The following GRHL2 variants were observed in gnomAD, a reference collection of about 807,000 sequenced individuals.
GRHL2 encodes grainyhead-like protein 2 homolog.
GRHL2 carries 21 observed loss-of-function variants against 83.8 expected under a neutral mutation model. The observed-to-expected ratio is 0.25, with a 90% CI of 0.18 to 0.36. The LOEUF (loss-of-function observed/expected upper bound fraction) is 0.36. Ranked by LOEUF, GRHL2 falls within the 10% of genes least tolerant of loss-of-function variation. GRHL2 has a pLI of 1.00. For missense variants in GRHL2, 623 were observed against 781.8 expected (o/e 0.80, Z 2.42); for synonymous variants, 280 against 278.9 (o/e 1.00, Z -0.04).
intron 1 of GRHL2, among the ~76,000 whole-genome samples, chr8:101,496,977 C>T (rs1459068408): frequency 6.6e-6 from 1 of 152,150 alleles, no homozygotes; most frequent in Non-Finnish European, 1.5e-5. Context: ...GACAGTTGCA[C>T]ACTCAAAACA....
intron 1 of GRHL2, among the ~76,000 whole-genome samples, chr8:101,537,895 C>T (rs2130104479): frequency 6.6e-6 from 1 of 152,162 alleles, no homozygotes; most frequent in Admixed American, 6.5e-5. Context: ...CTAATTTTTT[C>T]CTTTGTTATT....
chr8:101,516,410 C>CTTTTT (rs33990862), intron 1 of GRHL2, among the ~76,000 whole-genome samples: 3 of 86,012 alleles, frequency 3.5e-5, no homozygotes, highest in African/African-American at 9.0e-5. Context: ...ACCTCTTTTC[C>CTTTTT]TTTTTTTTTT....
intron 1 of GRHL2, among the ~76,000 whole-genome samples, chr8:101,524,442 G>A (rs1810760642): frequency 1.3e-5 from 2 of 150,578 alleles, no homozygotes; most frequent in Non-Finnish European, 1.5e-5. Context: ...TAACTTTTTA[G>A]CCTTTGTTCC....
At chr8:101,545,761 GA>G (rs1040007567) in intron 2 of GRHL2, among the ~76,000 whole-genome samples, 4 of 148,428 alleles carry the variant, frequency 2.7e-5, no homozygotes, top group African/African-American at 9.9e-5. Context: ...CTTCTATGAT[GA>G]AAAAATAGTC....
intron 1 of GRHL2, among the ~76,000 whole-genome samples, chr8:101,496,330 CATTTTA>C (rs951461352): frequency 2.6e-5 from 4 of 152,102 alleles, no homozygotes; most frequent in African/African-American, 9.7e-5. Flanking sequence ...GATGACTCTA[CATTTTA>C]ATTAAACTCT....
At chr8:101,654,036 C>T (rs1430130264) in intron 14 of GRHL2, among the ~76,000 whole-genome samples, 7 of 152,170 alleles carry the variant, frequency 4.6e-5, no homozygotes, top group Non-Finnish European at 1.5e-5. Flanking sequence ...CAAGACGTGG[C>T]CCTACAGACT....
In GRHL2 at chr8:101,667,394, T is replaced by A; in HGVS notation, c.*691T>A. On this transcript the variant is annotated 3_prime_UTR_variant, in exon 16 of 16. Transcript: ENST00000646743. ...TTTTACCTGTGGTATGTGGGCATGT[T>A]TACTGCCACTGGCCTAGAGGAGACA... The A allele has an allele frequency of 1.3e-5, 2 of 154,072 alleles. 1 individual carries two copies. The highest frequency in any genetic ancestry group is 2.9e-5 in the Non-Finnish European group (2 of 69,020). 9.5% of individuals were successfully genotyped at this position (154,072 alleles called of 1,614,324 possible).
chr8:101,495,215 C>T (rs1399803966), intron 1 of GRHL2, among the ~76,000 whole-genome samples: 2 of 152,320 alleles, frequency 1.3e-5, no homozygotes, highest in South Asian at 2.1e-4. Context: ...ATCCACCTTA[C>T]GAGGCCTGCC....
At chr8:101,566,139 G>A (rs1413538387) in intron 4 of GRHL2, among the ~76,000 whole-genome samples, 1 of 152,070 alleles carries the variant, frequency 6.6e-6, no homozygotes, top group Non-Finnish European at 1.5e-5. Flanking sequence ...GTTTTATTAT[G>A]TTTATCTTAA....
At chr8:101,518,470 T>C (rs1563560806) in intron 1 of GRHL2, among the ~76,000 whole-genome samples, 1 of 152,136 alleles carries the variant, frequency 6.6e-6, no homozygotes, top group Non-Finnish European at 1.5e-5. Context: ...ATTTCCAGGG[T>C]ACCAGGAGTA....
chr8:101,634,135 C>G (rs912199650), intron 11 of GRHL2, among the ~76,000 whole-genome samples: 4 of 152,142 alleles, frequency 2.6e-5, no homozygotes, highest in South Asian at 4.1e-4. Context: ...TCAGCACCCC[C>G]CTGTATATCC....
rs185173054 is a variant in GRHL2 at position 101,617,800 on chromosome 8, C to T, written c.1099-1739C>T. ...GATTACAGGCATGAGCCACCACGCC[C>T]GGCTGAAAAGCCTTTAACATGCAGT... On this transcript the variant is annotated intron_variant, in intron 8 of 15. Coordinates refer to ENST00000646743, the MANE Select transcript of GRHL2 (RefSeq NM_024915.4). Among the ~76,000 whole-genome samples, 335 of 152,218 alleles carry T rather than the reference C, an allele frequency of 2.2e-3. 1 individual carries two copies. Among genetic ancestry groups the T allele is most frequent in the Non-Finnish European group, 3.9e-3 (262 of 68,006 alleles).
intron 1 of GRHL2, among the ~76,000 whole-genome samples, chr8:101,521,955 A>G (rs1232566222): frequency 6.6e-6 from 1 of 152,170 alleles, no homozygotes; most frequent in Non-Finnish European, 1.5e-5. Context: ...GCAGGAGCTC[A>G]ATAAAGGTTT....
chr8:101,592,972 A>G (rs547036637), intron 7 of GRHL2, among the ~76,000 whole-genome samples: 2 of 152,194 alleles, frequency 1.3e-5, no homozygotes, highest in South Asian at 2.1e-4. Flanking sequence ...TGTTGTTGAG[A>G]TGGAGTCTCT....
intron 1 of GRHL2, among the ~76,000 whole-genome samples, chr8:101,512,930 C>T (rs779639605): frequency 1.0e-3 from 159 of 152,246 alleles, no homozygotes; most frequent in Non-Finnish European, 1.9e-3. Context: ...TGGTGAAGTC[C>T]TTCTTCTTAG....
intron 1 of GRHL2, among the ~76,000 whole-genome samples, chr8:101,537,964 G>A (rs1811079917): frequency 6.6e-6 from 1 of 151,958 alleles, no homozygotes; most frequent in African/African-American, 2.4e-5. Context: ...AAACCCTTGT[G>A]TCTAGGGCTG....
At chr8:101,563,724 T>TTTTTTGG (rs1811656602) in intron 4 of GRHL2, among the ~76,000 whole-genome samples, 1 of 152,148 alleles carries the variant, frequency 6.6e-6, no homozygotes, top group African/African-American at 2.4e-5. Context: ...TTTTTTGTTT[T>TTTTTTGG]TTTTTGTTTT....
chr8:101,613,844 AAAG>A (rs1749326577), intron 8 of GRHL2, among the ~76,000 whole-genome samples: 1 of 151,084 alleles, frequency 6.6e-6, no homozygotes, highest in Non-Finnish European at 1.5e-5. Context: ...ATTTCTTGGA[AAAG>A]AATTTTTTTT....
rs575451209 is a variant in GRHL2, at chr8:101,623,271, C to T, written c.1257+3574C>T. Among the ~76,000 whole-genome samples the T allele has an allele frequency of 9.2e-5, 14 of 152,380 alleles. No individual in the cohort carries two copies. The East Asian group carries it at 2.3e-3, about 25-fold the overall frequency. Reference sequence around the variant, plus strand: ...CAATCTTCCAGCCATCACAGCAGCACAGCAATCAATAGGACAGTTTCCATG... The same window carrying T: ...CAATCTTCCAGCCATCACAGCAGCATAGCAATCAATAGGACAGTTTCCATG... On this transcript the variant is annotated intron_variant, in intron 9 of 15. Coordinates refer to ENST00000646743, the MANE Select transcript of GRHL2 (RefSeq NM_024915.4).
Sources: gnomAD v4.1 joint callset for allele counts (sites outside exome capture counted in the v4.1 genomes callset) on GRCh38, gnomAD v4.1.1 for gene constraint, MANE v1.5 for transcripts, NCBI Gene and HGNC (gene_info 2026-07-23, HGNC 2026-07-21) for gene names.